BTG4: variants seen among roughly 807,000 people sequenced by gnomAD.
BTG4 encodes the protein BTG anti-proliferation factor 4.
In BTG4, 10 loss-of-function variants were observed where a neutral mutation model predicts 19.3. The ratio of observed to expected loss-of-function variants is 0.52; its 90% CI spans 0.32 to 0.88. BTG4 has a LOEUF of 0.88. Among genes scored for constraint, BTG4 ranks in the 40% least tolerant of loss-of-function variants. The pLI is 0.04. For synonymous variants in BTG4, 91 were observed against 95.7 expected (o/e 0.95, Z 0.29); for missense variants, 238 against 281.9 (o/e 0.84, Z 1.11).
At chr11:111,505,800 A>G (rs1866413822) in intron 1 of BTG4, among the ~76,000 whole-genome samples, 1 of 152,168 alleles carries the variant, frequency 6.6e-6, no homozygotes. Context: ...AAACCAATTG[A>G]AAATGGGGCA....
chr11:111,424,104 C>T, the BTG4 span, among the ~76,000 whole-genome samples: 1 of 152,188 alleles, frequency 6.6e-6, no homozygotes, highest in East Asian at 1.9e-4. Flanking sequence ...TCCTGCCCAT[C>T]GCAAGAAACA....
At chr11:111,469,173 G>A (rs963898432) in intron 5 of BTG4, 1 of 152,198 alleles carries the variant, frequency 6.6e-6, no homozygotes, top group Non-Finnish European at 1.5e-5. Flanking sequence ...GGACATCTCT[G>A]TGTTTGGGTG....
At chr11:111,435,745 AC>A in the BTG4 span, among the ~76,000 whole-genome samples, 7 of 151,462 alleles carry the variant, frequency 4.6e-5, no homozygotes, top group South Asian at 2.1e-4. Flanking sequence ...CCAGCCCTCA[AC>A]CCCCCAGGGT....
chr11:111,492,471 A>G (rs1276992961), downstream of BTG4, among the ~76,000 whole-genome samples: 2 of 152,238 alleles, frequency 1.3e-5, no homozygotes, highest in Non-Finnish European at 2.9e-5. Context: ...CTAGAACACA[A>G]TACTTCTTAC....
chr11:111,404,443 A>G, the BTG4 span, among the ~76,000 whole-genome samples: 1 of 152,228 alleles, frequency 6.6e-6, no homozygotes, highest in African/African-American at 2.4e-5. Flanking sequence ...CCTTACCTGA[A>G]GCAACCTAAG....
At chr11:111,392,211 T>C in the BTG4 span, among the ~76,000 whole-genome samples, 5 of 135,546 alleles carry the variant, frequency 3.7e-5, no homozygotes, top group Non-Finnish European at 7.8e-5. Flanking sequence ...GGAGTCTTGC[T>C]CTGTCACCCA....
chr11:111,384,528 G>A, the BTG4 span, among the ~76,000 whole-genome samples: 29 of 152,082 alleles, frequency 1.9e-4, no homozygotes, highest in East Asian at 1.4e-3. Context: ...AGATGCAAGC[G>A]GATAATGAAG....
chr11:111,441,824 T>G, the BTG4 span, among the ~76,000 whole-genome samples: 1 of 152,046 alleles, frequency 6.6e-6, no homozygotes, highest in Non-Finnish European at 1.5e-5. Flanking sequence ...CTTGAGAGGC[T>G]GAGGCAGGCA....
rs1591517309 is a variant in BTG4 at position 111,497,896 on chromosome 11, C to T, written c.311+102G>A. ...CTTAACCAAGAAGTATCCCTGCTGC[C>T]AACTCAAGGCTTTGGGGCATCATCT... On this transcript the variant is annotated intron_variant, in intron 3 of 4. Transcript: ENST00000692032. The T allele has an allele frequency of 5.4e-6, 7 of 1,298,190 alleles. No homozygotes were observed. In the East Asian group the frequency reaches 9.5e-5, roughly 18 times the overall value. The allele number at this position is 1,298,190 out of a possible 1,614,324, so 80.4% of individuals were successfully genotyped here. A position where few individuals can be genotyped will look rare whatever the true frequency, so the allele number is the denominator to read the frequency against.
intron 5 of BTG4, among the ~76,000 whole-genome samples, chr11:111,486,299 G>A (rs139775135): frequency 1.3e-3 from 202 of 152,174 alleles, no homozygotes; most frequent in African/African-American, 4.5e-3. Flanking sequence ...AATCAGACAC[G>A]GTGGTGTGCA....
chr11:111,454,933 C>G, the BTG4 span: 1 of 454,308 alleles, frequency 2.2e-6, no homozygotes, highest in Non-Finnish European at 4.4e-6. Context: ...GAACAGAGTT[C>G]ACACACACTC....
chr11:111,505,060 T>A (rs1866354940), intron 1 of BTG4, among the ~76,000 whole-genome samples: 1 of 152,124 alleles, frequency 6.6e-6, no homozygotes, highest in East Asian at 1.9e-4. Flanking sequence ...ATCTACAGAT[T>A]CAATGCAATC....
the BTG4 span, among the ~76,000 whole-genome samples, chr11:111,411,155 T>A: frequency 4.0e-3 from 615 of 152,316 alleles, 3 homozygotes; most frequent in African/African-American, 0.014. Context: ...AACCCTCCAA[T>A]GGTTTCCCAT....
the BTG4 span, among the ~76,000 whole-genome samples, chr11:111,389,862 G>A: frequency 6.6e-6 from 1 of 152,148 alleles, no homozygotes; most frequent in Non-Finnish European, 1.5e-5. Context: ...GTGGAGGGAG[G>A]CAGAAGGAGA....
the BTG4 span, among the ~76,000 whole-genome samples, chr11:111,392,283 T>A: frequency 7.2e-5 from 10 of 139,674 alleles, 1 homozygote; most frequent in South Asian, 2.5e-3. Flanking sequence ...GTTCATGCCA[T>A]TCTCCTGCCT....
At chr11:111,482,341 T>C (rs1166695046) in intron 5 of BTG4, among the ~76,000 whole-genome samples, 2 of 152,098 alleles carry the variant, frequency 1.3e-5, no homozygotes, top group African/African-American at 4.8e-5. Context: ...ATTGTGTTCA[T>C]AAATTGAAAT....
At chr11:111,449,353 C>G in the BTG4 span, 6,650 of 150,326 alleles carry the variant, frequency 0.044, 503 homozygotes, top group African/African-American at 0.15. Context: ...GTCGGTACCC[C>G]TGCCTCCCGG....
chr11:111,439,745 A>G, the BTG4 span, among the ~76,000 whole-genome samples: 1 of 152,092 alleles, frequency 6.6e-6, no homozygotes, highest in East Asian at 1.9e-4. Context: ...TAGGAGTCAT[A>G]GAGCCATCCC....
chr11:111,398,596 G>A, the BTG4 span, among the ~76,000 whole-genome samples: 1 of 152,020 alleles, frequency 6.6e-6, no homozygotes, highest in Non-Finnish European at 1.5e-5. Flanking sequence ...TGGGACTACA[G>A]GCACCCACCA....
Sources: allele counts gnomAD v4.1 joint callset (sites outside exome capture counted in the v4.1 genomes callset), GRCh38; gene constraint gnomAD v4.1.1; transcripts MANE v1.5; gene names NCBI Gene and HGNC (gene_info 2026-07-23, HGNC 2026-07-21).